The following NREP variants were observed in gnomAD, a reference collection of about 807,000 sequenced individuals.
The protein encoded by NREP is neuronal regeneration related protein.
NREP carries 5 observed loss-of-function variants against 8.6 expected under a neutral mutation model. That is an observed-to-expected ratio of 0.58 (90% CI 0.30 to 1.22). The LOEUF is 1.22. Among genes scored for constraint, NREP ranks in the 50% most tolerant of loss-of-function variants. The pLI is 0.07. For synonymous variants in NREP, 27 were observed against 28.0 expected (o/e 0.96, Z 0.11); for missense variants, 86 against 82.5 (o/e 1.04, Z -0.17).
chr5:111,790,818 T>C (rs1467556661), intron 2 of NREP, among the ~76,000 whole-genome samples: 2 of 152,178 alleles, frequency 1.3e-5, no homozygotes, highest in African/African-American at 4.8e-5. Context: ...AACACAGGTT[T>C]AAATTGTATA....
intron 2 of NREP, among the ~76,000 whole-genome samples, chr5:111,931,140 T>A (rs1433510806): frequency 6.6e-6 from 1 of 152,042 alleles, no homozygotes; most frequent in Non-Finnish European, 1.5e-5. Context: ...ATTTAAACCT[T>A]CTGTGGTGGT....
At position 111,745,595 on chromosome 5, in the gene NREP, TTC is replaced by T. The variant is rs951871194; in HGVS notation, c.4-10090_4-10089del. Among the ~76,000 whole-genome samples, 775 of 152,318 alleles carry T rather than the reference TTC, an allele frequency of 5.1e-3. 5 individuals carry two copies. The highest frequency in any genetic ancestry group is 0.017 in the African/African-American group (723 of 41,578). ...ATGGACAATCTAATTCAGTATAGCT[TTC>T]TCTTTCATCAACTGCATTTGAAATC... On this transcript the variant is annotated intron_variant, in intron 2 of 3. Coordinates refer to ENST00000257435, the MANE Select transcript of NREP (RefSeq NM_004772.4).
At chr5:111,923,663 G>A (rs1324736959) in intron 2 of NREP, among the ~76,000 whole-genome samples, 1 of 152,184 alleles carries the variant, frequency 6.6e-6, no homozygotes, top group Non-Finnish European at 1.5e-5. Context: ...CTGCCCAGAG[G>A]CAGGCTGGCT....
At chr5:111,955,469 G>GAAAAAAA (rs576072237) in intron 2 of NREP, among the ~76,000 whole-genome samples, 4 of 93,250 alleles carry the variant, frequency 4.3e-5, no homozygotes, top group East Asian at 3.2e-4. Context: ...GGCCAATACA[G>GAAAAAAA]AAAAAAAAAA....
intron 2 of NREP, among the ~76,000 whole-genome samples, chr5:111,883,666 C>T (rs554471599): frequency 7.9e-5 from 12 of 152,210 alleles, no homozygotes; most frequent in Middle Eastern, 3.4e-3. Context: ...AGGATTAAGA[C>T]ACTCACTCAA....
chr5:111,762,084 T>C (rs1166030223), upstream of NREP, among the ~76,000 whole-genome samples: 1 of 151,948 alleles, frequency 6.6e-6, no homozygotes, highest in Non-Finnish European at 1.5e-5. Flanking sequence ...ATGGCCCAAA[T>C]TAAGATGGAG....
chr5:111,877,464 A>G (rs1007055957), intron 2 of NREP, among the ~76,000 whole-genome samples: 3 of 152,214 alleles, frequency 2.0e-5, no homozygotes, highest in Non-Finnish European at 2.9e-5. Context: ...CAAAAAATAG[A>G]GATTTGCTTG....
chr5:111,758,090 C>G (rs1287211248), upstream of NREP: 1 of 985,414 alleles, frequency 1.0e-6, no homozygotes, highest in Non-Finnish European at 1.2e-6. Flanking sequence ...GCGAAGGATG[C>G]ATTTGCACAC....
At chr5:111,742,670 T>C (rs1218670455) in intron 2 of NREP, among the ~76,000 whole-genome samples, 1 of 151,972 alleles carries the variant, frequency 6.6e-6, no homozygotes, top group Admixed American at 6.6e-5. Context: ...ATTACGTGAG[T>C]TTTCTGGGCT....
At chr5:111,871,626 T>A (rs1753792817) in intron 2 of NREP, among the ~76,000 whole-genome samples, 1 of 152,042 alleles carries the variant, frequency 6.6e-6, no homozygotes, top group South Asian at 2.1e-4. Context: ...TACAGTTATA[T>A]CCTTATTCTA....
chr5:111,815,040 G>A (rs1472706434), intron 2 of NREP, among the ~76,000 whole-genome samples: 6 of 151,732 alleles, frequency 4.0e-5, no homozygotes, highest in Non-Finnish European at 5.9e-5. Flanking sequence ...TCTTAGAGAA[G>A]TGAATCCAAC....
At chr5:111,903,958 T>A (rs763020108) in intron 2 of NREP, among the ~76,000 whole-genome samples, 1 of 152,164 alleles carries the variant, frequency 6.6e-6, no homozygotes, top group Non-Finnish European at 1.5e-5. Context: ...CTCAATTTAG[T>A]CTACCAATTA....
chr5:111,758,786 CA>C (rs1296271142), upstream of NREP, among the ~76,000 whole-genome samples: 1 of 152,174 alleles, frequency 6.6e-6, no homozygotes, highest in African/African-American at 2.4e-5. Flanking sequence ...CCTTAAAAAG[CA>C]ATACTTTACA....
At chr5:111,758,512 A>G (rs1016046821), upstream of NREP, among the ~76,000 whole-genome samples, 4 of 152,354 alleles carry the variant, frequency 2.6e-5, no homozygotes, top group East Asian at 1.9e-4. Context: ...TCTGTTGCCA[A>G]TAAAGCAGGA....
At chr5:111,868,428 T>A (rs991597093) in intron 2 of NREP, among the ~76,000 whole-genome samples, 1 of 152,188 alleles carries the variant, frequency 6.6e-6, no homozygotes, top group Non-Finnish European at 1.5e-5. Flanking sequence ...CACTGTAGAA[T>A]ACGAGTTGCA....
chr5:111,943,351 C>T (rs1755885298), intron 2 of NREP, among the ~76,000 whole-genome samples: 1 of 152,044 alleles, frequency 6.6e-6, no homozygotes, highest in Non-Finnish European at 1.5e-5. Flanking sequence ...CTCTGTCTTG[C>T]TCTTAAATGC....
intron 2 of NREP, among the ~76,000 whole-genome samples, chr5:111,802,291 C>T (rs1174507173): frequency 6.6e-6 from 1 of 151,754 alleles, no homozygotes; most frequent in Non-Finnish European, 1.5e-5. Flanking sequence ...AAGAAGGTGT[C>T]AAATACACTG....
At chr5:111,925,276 G>A (rs181707597) in intron 2 of NREP, among the ~76,000 whole-genome samples, 13 of 124,328 alleles carry the variant, frequency 1.0e-4, no homozygotes, top group South Asian at 7.5e-4. Context: ...ATGTCTCTCC[G>A]TCTCTGCAGG....
chr5:111,969,342 G>A (rs1756736604), intron 2 of NREP: 1 of 152,242 alleles, frequency 6.6e-6, no homozygotes, highest in Admixed American at 6.5e-5. Context: ...CAAAGGCAGG[G>A]AGACAATGAC....
Sources: gnomAD v4.1 joint callset for allele counts (sites outside exome capture counted in the v4.1 genomes callset) on GRCh38, gnomAD v4.1.1 for gene constraint, MANE v1.5 for transcripts, NCBI Gene and HGNC (gene_info 2026-07-23, HGNC 2026-07-21) for gene names.